The following ZNF385D variants were observed in gnomAD, a reference collection of about 807,000 sequenced individuals.
ZNF385D encodes the protein zinc finger protein 659.
A neutral mutation model predicts 35.8 loss-of-function variants in ZNF385D; 15 were observed. The observed-to-expected ratio is 0.42, with a 90% CI of 0.28 to 0.64. ZNF385D has a LOEUF of 0.64. Ranked by LOEUF, ZNF385D falls within the 30% of genes least tolerant of loss-of-function variation. The pLI is 0.23. For missense variants in ZNF385D, 474 were observed against 494.6 expected (o/e 0.96, Z 0.39); for synonymous variants, 212 against 186.8 (o/e 1.13, Z -1.10).
intron 2 of ZNF385D, among the ~76,000 whole-genome samples, chr3:21,565,812 A>G (rs2063124537): frequency 6.6e-6 from 1 of 152,228 alleles, no homozygotes; most frequent in Admixed American, 6.5e-5. Flanking sequence ...AGTCTTCATA[A>G]TAGATTGAGA....
chr3:22,123,401 G>A (rs1047001678), intron 3 of ZNF385D, among the ~76,000 whole-genome samples: 1 of 152,104 alleles, frequency 6.6e-6, no homozygotes, highest in African/African-American at 2.4e-5. Flanking sequence ...GATGAGGTAA[G>A]TGTATATATT....
At chr3:21,496,475 C>CATAT (rs142860913) in intron 4 of ZNF385D, among the ~76,000 whole-genome samples, 2 of 118,384 alleles carry the variant, frequency 1.7e-5, no homozygotes, top group African/African-American at 3.0e-5. Flanking sequence ...CATATATATA[C>CATAT]ATATATACAC....
chr3:21,707,490 C>A (rs560025424), intron 1 of ZNF385D, among the ~76,000 whole-genome samples: 3 of 152,164 alleles, frequency 2.0e-5, no homozygotes, highest in Non-Finnish European at 4.4e-5. Context: ...CCTGATATCT[C>A]CTTTAATGAC....
At chr3:22,164,601 A>T (rs1418870896) in intron 3 of ZNF385D, among the ~76,000 whole-genome samples, 2 of 144,628 alleles carry the variant, frequency 1.4e-5, no homozygotes, top group Non-Finnish European at 3.1e-5. Context: ...CAATTTGCCC[A>T]AAGGGACTTT....
chr3:22,342,518 A>G (rs946275119), intron 2 of ZNF385D, among the ~76,000 whole-genome samples: 1 of 152,028 alleles, frequency 6.6e-6, no homozygotes, highest in African/African-American at 2.4e-5. Context: ...TTAGAAACTC[A>G]TATATATCCC....
intron 1 of ZNF385D, among the ~76,000 whole-genome samples, chr3:21,722,075 T>C (rs2068564305): frequency 7.1e-6 from 1 of 139,872 alleles, no homozygotes; most frequent in African/African-American, 2.7e-5. Context: ...ACTCCAACTT[T>C]GGAGACAGAG....
At chr3:21,784,009 G>C (rs1057418960) in intron 3 of ZNF385D, among the ~76,000 whole-genome samples, 1 of 151,960 alleles carries the variant, frequency 6.6e-6, no homozygotes, top group South Asian at 2.1e-4. Flanking sequence ...AGGACTCACA[G>C]ACTGCAGTAC....
chr3:21,675,050 T>C (rs1359315554), intron 1 of ZNF385D, among the ~76,000 whole-genome samples: 1 of 152,040 alleles, frequency 6.6e-6, no homozygotes, highest in Non-Finnish European at 1.5e-5. Flanking sequence ...TTAACAATGG[T>C]GTACATTTAC....
At chr3:21,828,823 AATTTCTTTGCCTTTTACAGC>A (rs1185784578) in intron 3 of ZNF385D, among the ~76,000 whole-genome samples, 2 of 152,140 alleles carry the variant, frequency 1.3e-5, no homozygotes, top group Admixed American at 1.3e-4. Flanking sequence ...GCGGACAATT[AATTTCTTTGCCTTTTACAGC>A]ATCTATAGAC....
intron 3 of ZNF385D, among the ~76,000 whole-genome samples, chr3:21,843,662 G>C (rs920954495): frequency 3.3e-5 from 5 of 151,960 alleles, no homozygotes; most frequent in Non-Finnish European, 1.5e-5. Flanking sequence ...GTTATCAATA[G>C]CAGGCATGTA....
intron 3 of ZNF385D, among the ~76,000 whole-genome samples, chr3:21,949,405 A>C (rs1349785924): frequency 6.6e-6 from 1 of 151,360 alleles, no homozygotes; most frequent in Non-Finnish European, 1.5e-5. Flanking sequence ...TGGGGTGGCT[A>C]TCTTTATTGT....
chr3:21,736,795 C>T (rs764116129), intron 1 of ZNF385D, among the ~76,000 whole-genome samples: 9 of 152,152 alleles, frequency 5.9e-5, no homozygotes, highest in Non-Finnish European at 1.3e-4. Context: ...TCTAAGAGGT[C>T]TTCAAGGCAG....
chr3:21,993,717 C>G (rs1695291596), intron 3 of ZNF385D, among the ~76,000 whole-genome samples: 2 of 152,122 alleles, frequency 1.3e-5, no homozygotes, highest in South Asian at 4.1e-4. Flanking sequence ...ATGTTCCTTC[C>G]TACTAATACA....
At chr3:22,305,991 C>T (rs1027345) in intron 2 of ZNF385D, among the ~76,000 whole-genome samples, 107,639 of 152,060 alleles carry the variant, frequency 0.71, 39,094 homozygotes, top group African/African-American at 0.87. Context: ...GTTTTCCTAT[C>T]ACTCCTTTTA....
intron 2 of ZNF385D, among the ~76,000 whole-genome samples, chr3:21,641,762 A>G (rs1327874959): frequency 6.6e-6 from 1 of 151,700 alleles, no homozygotes; most frequent in Non-Finnish European, 1.5e-5. Context: ...AGGAGAGACA[A>G]AGAAATTATT....
At chr3:21,553,044 GT>G (rs888960581) in intron 3 of ZNF385D, among the ~76,000 whole-genome samples, 2 of 152,120 alleles carry the variant, frequency 1.3e-5, no homozygotes, top group African/African-American at 4.8e-5. Flanking sequence ...GGCCCTTGCT[GT>G]TTTTGAAGAT....
At chr3:21,674,777 T>C (rs1315018149) in intron 1 of ZNF385D, among the ~76,000 whole-genome samples, 1 of 152,090 alleles carries the variant, frequency 6.6e-6, no homozygotes, top group Non-Finnish European at 1.5e-5. Flanking sequence ...TGACTTTGTA[T>C]CTGTCTCCCT....
At chr3:22,112,295 T>C (rs1374723371) in intron 3 of ZNF385D, among the ~76,000 whole-genome samples, 3 of 152,112 alleles carry the variant, frequency 2.0e-5, no homozygotes, top group Non-Finnish European at 2.9e-5. Flanking sequence ...TCTGAAAAAT[T>C]AAAATAATGA....
At chr3:21,511,850 T>G (rs1022467378) in intron 3 of ZNF385D, 77 of 452,646 alleles carry the variant, frequency 1.7e-4, no homozygotes, top group Admixed American at 7.4e-4. Context: ...GGGAGCGGTA[T>G]AGTGAAATAC....
Sources: gnomAD v4.1 joint callset for allele counts (sites outside exome capture counted in the v4.1 genomes callset) on GRCh38, gnomAD v4.1.1 for gene constraint, MANE v1.5 for transcripts, NCBI Gene and HGNC (gene_info 2026-07-23, HGNC 2026-07-21) for gene names.